The following GSTCD variants were observed in gnomAD, a reference collection of about 807,000 sequenced individuals.
The protein encoded by GSTCD is glutathione S-transferase C-terminal domain containing.
A neutral mutation model predicts 68.3 loss-of-function variants in GSTCD; 44 were observed. The ratio of observed to expected loss-of-function variants is 0.64; its 90% confidence interval spans 0.51 to 0.83. GSTCD has a LOEUF of 0.83. GSTCD is among the 40% of genes least tolerant of loss of function. The pLI, the probability that GSTCD is intolerant of heterozygous loss-of-function variation, is 0.00. For missense variants in GSTCD, 739 were observed against 735.9 expected (o/e 1.00, Z -0.05); for synonymous variants, 273 against 255.2 (o/e 1.07, Z -0.67).
At position 105,719,252 on chromosome 4, in the gene GSTCD, G is replaced by A. The variant is rs193103492; in HGVS notation, c.619G>A (p.Gly207Arg). 15 of 1,614,084 alleles carry A rather than the reference G, an allele frequency of 9.3e-6. No homozygotes were observed. The African/African-American group carries it at 1.9e-4, about 20-fold the overall frequency. The change falls in exon 3 of 12, where the codon GGA becomes AGA. Residue 207 changes from glycine (G) to arginine (R), a missense_variant. Gly to Arg is a moderately radical substitution (Grantham distance 125). Coordinates refer to ENST00000515279, the MANE Select transcript of GSTCD (RefSeq NM_001370181.1). ...RQKLKQQKAD[G>R]VGPPLTKGKA... ...GAAGCTCAAGCAACAGAAGGCTGAT[G>A]GAGTTGGGCCTCCCCTTACTAAGGG... is the stretch of plus-strand genomic sequence containing the variant.
chr4:105,783,413 A>G (rs937176888), intron 5 of GSTCD, among the ~76,000 whole-genome samples: 2 of 152,146 alleles, frequency 1.3e-5, no homozygotes, highest in Non-Finnish European at 2.9e-5. Context: ...GTTGGTGTTG[A>G]CCTATATGCC....
In GSTCD at chr4:105,773,979, T is replaced by C. The variant is rs188753874; in HGVS notation, c.1240+44480T>C. 9.6e-4 allele frequency among the ~76,000 whole-genome samples: 146 copies of C among 152,348 alleles called. 1 individual carries two copies. The highest frequency in any genetic ancestry group is 6.8e-3 in the Middle Eastern group (2 of 294). On this transcript the variant is annotated intron_variant, in intron 5 of 11. Transcript: ENST00000515279. ...GTGTTAAAGTCTCCCACTATTATTGTGTGGGAGTCTCAGTCTCTTTGTAGG... is the reference window on the plus strand; with the variant it reads ...GTGTTAAAGTCTCCCACTATTATTGCGTGGGAGTCTCAGTCTCTTTGTAGG...
Position 105,719,387 on chromosome 4 carries a change from C to A in GSTCD, c.754C>A (p.Pro252Thr), listed in dbSNP as rs1378203215. Residue 252 changes from proline (P) to threonine (T), a missense_variant, in exon 3 of 12, where the codon CCA (proline) becomes ACA (threonine). Pro to Thr is a conservative substitution (Grantham distance 38). Transcript: ENST00000515279. Reference sequence around the variant, plus strand: ...CTCAAAGCTCACAGTACAGGAAGAACCAGCTACTACCAACAGAGAGCCTTC... The same window carrying A: ...CTCAAAGCTCACAGTACAGGAAGAAACAGCTACTACCAACAGAGAGCCTTC... ...AFSKLTVQEEPATTNREPSHI... is the reference protein window; with the variant it reads ...AFSKLTVQEETATTNREPSHI... 6.2e-7 allele frequency: 1 copy of A among 1,614,000 alleles called. No individual in the cohort carries two copies. Among genetic ancestry groups the A allele is most frequent in the Non-Finnish European group, 8.5e-7 (1 of 1,179,992 alleles).
chr4:105,732,299 C>A (rs948500029), intron 5 of GSTCD, among the ~76,000 whole-genome samples: 2 of 152,090 alleles, frequency 1.3e-5, no homozygotes, highest in African/African-American at 2.4e-5. Flanking sequence ...TGGTAGAATT[C>A]GGCTGTGAAT....
chr4:105,712,558 T>A (rs1417065021), intron 1 of GSTCD: 1 of 152,262 alleles, frequency 6.6e-6, no homozygotes, highest in Non-Finnish European at 1.5e-5. Flanking sequence ...ATCTGATTTA[T>A]GTTTTTAAGG....
At chr4:105,781,381 A>G (rs533500719) in intron 5 of GSTCD, among the ~76,000 whole-genome samples, 16 of 150,508 alleles carry the variant, frequency 1.1e-4, no homozygotes, top group Non-Finnish European at 2.1e-4. Flanking sequence ...CCAAGTACTT[A>G]GGAATACAGG....
chr4:105,748,707 T>C lies in GSTCD; in HGVS notation c.1240+19208T>C, dbSNP rs866217337. 7.9e-5 allele frequency among the ~76,000 whole-genome samples: 12 copies of C among 152,068 alleles called. No homozygotes were observed. In the South Asian group the frequency reaches 2.3e-3, roughly 29 times the overall value. On this transcript the variant is annotated intron_variant, in intron 5 of 11. Transcript: ENST00000515279. ...ATATTAGTGTATATCAGTATAGAAA[T>C]TGAAATAGATATATATTACATACGA...
chr4:105,767,299 A>G (rs2149240456), intron 5 of GSTCD, among the ~76,000 whole-genome samples: 1 of 152,350 alleles, frequency 6.6e-6, no homozygotes, highest in South Asian at 2.1e-4. Flanking sequence ...CTATTTATAC[A>G]TCCAGTTAGG....
chr4:105,745,913 T>G (rs1733785964), intron 5 of GSTCD, among the ~76,000 whole-genome samples: 1 of 152,146 alleles, frequency 6.6e-6, no homozygotes, highest in Non-Finnish European at 1.5e-5. Context: ...TACCTGAGAA[T>G]TTAGTTTTGC....
chr4:105,842,719 C>T (rs1724405470), intron 11 of GSTCD, among the ~76,000 whole-genome samples: 1 of 152,308 alleles, frequency 6.6e-6, no homozygotes, highest in East Asian at 1.9e-4. Flanking sequence ...CATTTAAGCA[C>T]TGAGCTAAAT....
chr4:105,805,581 G>A (rs981493895), intron 5 of GSTCD, among the ~76,000 whole-genome samples: 2 of 151,966 alleles, frequency 1.3e-5, no homozygotes, highest in African/African-American at 4.8e-5. Context: ...CTGATGCCTT[G>A]TATCAGGATC....
chr4:105,796,904 A>T (rs1258444028), intron 5 of GSTCD, among the ~76,000 whole-genome samples: 1 of 152,212 alleles, frequency 6.6e-6, no homozygotes, highest in African/African-American at 2.4e-5. Flanking sequence ...ACTTCTATGT[A>T]TAGAGGATCG....
chr4:105,773,842 G>A (rs1286643279), intron 5 of GSTCD, among the ~76,000 whole-genome samples: 1 of 152,286 alleles, frequency 6.6e-6, no homozygotes, highest in East Asian at 1.9e-4. Flanking sequence ...TTGATTTGGG[G>A]TGGAGAGTTC....
intron 5 of GSTCD, among the ~76,000 whole-genome samples, chr4:105,766,944 TG>T (rs1734639428): frequency 7.2e-6 from 1 of 138,162 alleles, no homozygotes; most frequent in South Asian, 2.5e-4. Context: ...ATTTTTCCAG[TG>T]TTCCAGTATA....
In GSTCD at chr4:105,847,362, A is replaced by G. The variant is rs1724591370; in HGVS notation, c.*1785A>G. 6.6e-6 allele frequency: 1 copy of G among 152,208 alleles called. No individual in the cohort carries two copies. Among genetic ancestry groups the G allele is most frequent in the South Asian group, 2.1e-4 (1 of 4,820 alleles). The allele number at this position is 152,208 out of a possible 1,614,324, so 9.4% of individuals were successfully genotyped here. On this transcript the variant is annotated 3_prime_UTR_variant, in exon 12 of 12. Transcript: ENST00000515279. ...GGGATAAAATTTTTAAAAAGAATTA[A>G]TCATTAGCCCTGAGTATTTTAGTCA...
intron 5 of GSTCD, among the ~76,000 whole-genome samples, chr4:105,754,853 A>T (rs1158148308): frequency 6.6e-6 from 1 of 151,914 alleles, no homozygotes; most frequent in South Asian, 2.1e-4. Flanking sequence ...TCACATTTTG[A>T]TATTTTTCAG....
chr4:105,741,702 T>C (rs932618129), intron 5 of GSTCD, among the ~76,000 whole-genome samples: 1 of 152,204 alleles, frequency 6.6e-6, no homozygotes, highest in Non-Finnish European at 1.5e-5. Flanking sequence ...GAAGTTCATA[T>C]CTAACAGAGT....
rs975613055 is a variant in GSTCD at position 105,792,922 on chromosome 4, A to G, written c.1241-30032A>G. Reference sequence around the variant, plus strand: ...TATGAAACAATCATTCTGAAATTCAAACAGCTTATTTTTAATGAACAAGGA... The same window carrying G: ...TATGAAACAATCATTCTGAAATTCAGACAGCTTATTTTTAATGAACAAGGA... On this transcript the variant is annotated intron_variant, in intron 5 of 11. Transcript: ENST00000515279. Among the ~76,000 whole-genome samples, 3 of 152,100 alleles carry G rather than the reference A, an allele frequency of 2.0e-5. 1 individual carries two copies. Among genetic ancestry groups the G allele is most frequent in the African/African-American group, 4.8e-5 (2 of 41,356 alleles).
chr4:105,750,286 C>A (rs1175064926), intron 5 of GSTCD, among the ~76,000 whole-genome samples: 1 of 151,750 alleles, frequency 6.6e-6, no homozygotes, highest in Non-Finnish European at 1.5e-5. Flanking sequence ...CATGGAGAAA[C>A]CCTGTCTCTA....
Sources: gnomAD v4.1 joint callset for allele counts (sites outside exome capture counted in the v4.1 genomes callset) on GRCh38, gnomAD v4.1.1 for gene constraint, MANE v1.5 for transcripts, NCBI Gene and HGNC (gene_info 2026-07-23, HGNC 2026-07-21) for gene names.